The following CD82 variants were observed in gnomAD, a reference collection of about 807,000 sequenced individuals.
CD82 encodes CD82 molecule.
A neutral mutation model predicts 37.4 loss-of-function variants in CD82; 36 were observed. The ratio of observed to expected loss-of-function variants is 0.96; its 90% confidence interval spans 0.74 to 1.27. The LOEUF is 1.27. CD82 is among the 50% of genes most tolerant of loss of function. The probability of loss-of-function intolerance (pLI) is 0.00; values close to 1 mark genes in which losing one functional copy is unlikely to be tolerated. For missense variants in CD82, 340 were observed against 347.0 expected (o/e 0.98, Z 0.16); for synonymous variants, 158 against 137.4 (o/e 1.15, Z -1.05).
intron 1 of CD82, among the ~76,000 whole-genome samples, chr11:44,585,714 G>A (rs763484703): frequency 6.6e-6 from 1 of 152,216 alleles, no homozygotes; most frequent in Non-Finnish European, 1.5e-5. Flanking sequence ...TCCCTCCCAT[G>A]TGGGAGCCCC....
At chr11:44,616,430 T>A (rs985456266) in intron 7 of CD82, among the ~76,000 whole-genome samples, 2 of 152,138 alleles carry the variant, frequency 1.3e-5, no homozygotes, top group Non-Finnish European at 2.9e-5. Flanking sequence ...ACCAGTGACA[T>A]AAACCAGTGC....
In CD82 at chr11:44,605,049, T is replaced by C; in HGVS notation, c.137-9T>C. ...TGCCCACTGATTTTGTACTTCTTCTTCCCCCTAGAAACCTCCTCCAGCTCG... is the reference window on the plus strand; with the variant it reads ...TGCCCACTGATTTTGTACTTCTTCTCCCCCCTAGAAACCTCCTCCAGCTCG... On this transcript the variant is annotated splice_polypyrimidine_tract_variant and intron_variant, in intron 4 of 9. Coordinates refer to ENST00000227155, the MANE Select transcript of CD82 (RefSeq NM_002231.4). 1.2e-6 allele frequency: 2 copies of C among 1,614,030 alleles called. No homozygotes were observed. The highest frequency in any genetic ancestry group is 1.7e-6 in the Non-Finnish European group (2 of 1,179,970).
chr11:44,599,773 G>A (rs1247141542), intron 3 of CD82, among the ~76,000 whole-genome samples: 1 of 152,218 alleles, frequency 6.6e-6, no homozygotes, highest in Non-Finnish European at 1.5e-5. Context: ...TCCACGGAGG[G>A]TCCTCCTCAG....
chr11:44,618,517 C>A, intron 8 of CD82, 123 bp from the exon 9 acceptor site: 2 of 1,079,082 alleles, frequency 1.9e-6, no homozygotes, highest in South Asian at 1.3e-5. Context: ...TGTATTTATT[C>A]AAGGAACAGG....
At chr11:44,596,151 C>A (rs994863538) in intron 3 of CD82, among the ~76,000 whole-genome samples, 1 of 152,182 alleles carries the variant, frequency 6.6e-6, no homozygotes, top group African/African-American at 2.4e-5. Context: ...TCATGGCAGC[C>A]GGGCCTGGAA....
intron 4 of CD82, among the ~76,000 whole-genome samples, chr11:44,600,762 G>A (rs12797970): frequency 0.15 from 23,516 of 152,166 alleles, 2,371 homozygotes; most frequent in East Asian, 0.27. Flanking sequence ...AGTTTGCACC[G>A]ATAAACTGTC....
chr11:44,618,391 G>T (rs768287003), intron 8 of CD82, 26 bp downstream of exon 8: 12 of 1,598,284 alleles, frequency 7.5e-6, no homozygotes, highest in Non-Finnish European at 1.0e-5. Context: ...CGGATCGGGG[G>T]CGGGGCTCCG....
intron 3 of CD82, among the ~76,000 whole-genome samples, chr11:44,595,703 T>TG (rs1251376419): frequency 6.6e-6 from 1 of 152,042 alleles, no homozygotes; most frequent in Non-Finnish European, 1.5e-5. Flanking sequence ...ATTACTTGTT[T>TG]GGGGAACAGG....
chr11:44,601,645 A>G (rs1025591457), intron 4 of CD82, among the ~76,000 whole-genome samples: 1 of 152,122 alleles, frequency 6.6e-6, no homozygotes, highest in African/African-American at 2.4e-5. Flanking sequence ...AGCTTCCTGC[A>G]TGGCTCTGGC....
At chr11:44,599,494 C>T in intron 3 of CD82, among the ~76,000 whole-genome samples, 1 of 152,362 alleles carries the variant, frequency 6.6e-6, no homozygotes, top group South Asian at 2.1e-4. Flanking sequence ...TCAGCTCATT[C>T]ATTCCCCCAG....
chr11:44,618,551 G>A (rs990647138), intron 8 of CD82, 89 bp from the exon 9 acceptor site: 84 of 1,218,430 alleles, frequency 6.9e-5, no homozygotes, highest in South Asian at 1.1e-4. Flanking sequence ...AGGGGCTTCC[G>A]GGCTGGGACT....
intron 1 of CD82, among the ~76,000 whole-genome samples, chr11:44,571,077 G>A (rs988549443): frequency 6.6e-6 from 1 of 152,208 alleles, no homozygotes; most frequent in Non-Finnish European, 1.5e-5. Context: ...TCTGGTGTGG[G>A]AGTTGTTCAG....
intron 4 of CD82, chr11:44,604,414 T>C (rs1004743557): frequency 1.9e-5 from 3 of 157,448 alleles, no homozygotes; most frequent in African/African-American, 7.2e-5. Flanking sequence ...AGCCTCATTT[T>C]TTTCTTCTGT....
intron 1 of CD82, among the ~76,000 whole-genome samples, chr11:44,578,001 A>AC (rs1204578941): frequency 7.2e-5 from 11 of 151,780 alleles, no homozygotes; most frequent in Non-Finnish European, 1.5e-4. Context: ...CACGTTACTA[A>AC]CCCCCCTGAG....
upstream of CD82, among the ~76,000 whole-genome samples, chr11:44,565,184 A>G (rs548171523): frequency 6.6e-6 from 1 of 151,966 alleles, no homozygotes; most frequent in African/African-American, 2.4e-5. Context: ...AGGATTAGGA[A>G]GGCGCTGAGC....
chr11:44,619,351 G>T lies in CD82; in HGVS notation c.*225G>T. 1.8e-6 allele frequency: 1 copy of T among 554,684 alleles called. No individual in the cohort carries two copies. Among genetic ancestry groups the T allele is most frequent in the South Asian group, 2.2e-5 (1 of 44,976 alleles). 34.4% of individuals were successfully genotyped at this position (554,684 alleles called of 1,614,324 possible). A position where few individuals can be genotyped will look rare whatever the true frequency, so the allele number is the denominator to read the frequency against. Reference sequence around the variant, plus strand: ...TGGTTCCTCTGCTCACCGCCCATCAGGGTTCTCTTAGCAACTCAGAGAAAA... The same window carrying T: ...TGGTTCCTCTGCTCACCGCCCATCATGGTTCTCTTAGCAACTCAGAGAAAA... On this transcript the variant is annotated 3_prime_UTR_variant, in exon 10 of 10. Transcript: ENST00000227155.
intron 1 of CD82, among the ~76,000 whole-genome samples, chr11:44,580,639 G>A (rs905270721): frequency 3.3e-5 from 5 of 152,138 alleles, no homozygotes; most frequent in East Asian, 1.9e-4. Flanking sequence ...CTTGAACCCC[G>A]GAGGCAGAGG....
intron 1 of CD82, among the ~76,000 whole-genome samples, chr11:44,566,665 A>C (rs1375042740): frequency 3.9e-5 from 6 of 152,230 alleles, no homozygotes; most frequent in Non-Finnish European, 8.8e-5. Flanking sequence ...TAGCAGGAGC[A>C]AGCACTAAAT....
intron 4 of CD82, among the ~76,000 whole-genome samples, chr11:44,604,187 C>G (rs955065239): frequency 2.6e-5 from 4 of 152,228 alleles, no homozygotes; most frequent in African/African-American, 9.6e-5. Flanking sequence ...ACTCCCCACC[C>G]CCAAATGTCA....
Sources: gnomAD v4.1 joint callset for allele counts (sites outside exome capture counted in the v4.1 genomes callset) on GRCh38, gnomAD v4.1.1 for gene constraint, MANE v1.5 for transcripts, NCBI Gene and HGNC (gene_info 2026-07-23, HGNC 2026-07-21) for gene names.